Variants in NRG1 observed in about 807,000 individuals in gnomAD.
The protein encoded by NRG1 is pro-neuregulin-1, membrane-bound isoform.
Under a neutral mutation model 63.8 loss-of-function variants are expected in NRG1, and 18 were observed. That is an observed-to-expected ratio of 0.28 (90% CI 0.19 to 0.42). The LOEUF is 0.42. Ranked by LOEUF, NRG1 falls within the 10% of genes least tolerant of loss-of-function variation. The pLI is 1.00. For synonymous variants in NRG1, 302 were observed against 301.3 expected (o/e 1.00, Z -0.02); for missense variants, 762 against 814.7 (o/e 0.94, Z 0.79).
intron 1 of NRG1, among the ~76,000 whole-genome samples, chr8:32,388,854 A>T (rs531857780): frequency 6.6e-6 from 1 of 152,166 alleles, no homozygotes; most frequent in Admixed American, 6.5e-5. Flanking sequence ...TTTCATGTTA[A>T]GAAAAGAAGG....
chr8:32,258,475 T>G (rs1218870713), intron 1 of NRG1, among the ~76,000 whole-genome samples: 1 of 152,170 alleles, frequency 6.6e-6, no homozygotes, highest in Admixed American at 6.6e-5. Context: ...ATTTTCACAC[T>G]GCTATAAAGA....
At chr8:31,933,409 T>C (rs1387302601) in intron 1 of NRG1, among the ~76,000 whole-genome samples, 1 of 151,852 alleles carries the variant, frequency 6.6e-6, no homozygotes, top group Non-Finnish European at 1.5e-5. Context: ...GCCTCCCGAG[T>C]AGCTGGGATT....
chr8:32,692,460 G>T (rs772686331), intron 5 of NRG1, among the ~76,000 whole-genome samples: 4 of 152,196 alleles, frequency 2.6e-5, no homozygotes, highest in African/African-American at 4.8e-5. Context: ...GCCCTGGAAG[G>T]CTGGCTTAGA....
intron 1 of NRG1, among the ~76,000 whole-genome samples, chr8:32,088,217 C>T (rs1291665761): frequency 6.6e-6 from 1 of 152,166 alleles, no homozygotes; most frequent in African/African-American, 2.4e-5. Flanking sequence ...AGAATAAAAG[C>T]TCCAAAGCCA....
At chr8:32,504,463 AGC>A in intron 1 of NRG1, among the ~76,000 whole-genome samples, 1 of 152,312 alleles carries the variant, frequency 6.6e-6, no homozygotes, top group East Asian at 1.9e-4. Flanking sequence ...AATACTTATA[AGC>A]GTTTTTTTAA....
At chr8:32,155,407 A>G (rs940412271) in intron 1 of NRG1, among the ~76,000 whole-genome samples, 3 of 151,766 alleles carry the variant, frequency 2.0e-5, no homozygotes, top group Non-Finnish European at 4.4e-5. Flanking sequence ...CATAAATCTC[A>G]TTTTTTTTCC....
At chr8:32,605,744 G>A (rs1167935733) in intron 3 of NRG1, 61 bp downstream of exon 3, 3 of 1,575,610 alleles carry the variant, frequency 1.9e-6, no homozygotes, top group Non-Finnish European at 2.6e-6. Context: ...AAAACATGTG[G>A]TAAGACTCAT....
rs575264217 is a variant in NRG1 at position 32,148,327 on chromosome 8, A to G, written c.38-447501A>G. On this transcript the variant is annotated intron_variant, in intron 1 of 10. Coordinates refer to the NRG1 transcript ENST00000519301. ...CTAACCACTGTGCCAAAATCATAATACCTGCAGGAAGTGGCAAATGTTGAA... is the reference window on the plus strand; with the variant it reads ...CTAACCACTGTGCCAAAATCATAATGCCTGCAGGAAGTGGCAAATGTTGAA... 9.2e-5 allele frequency among the ~76,000 whole-genome samples: 14 copies of G among 152,300 alleles called. No homozygotes were observed. In the South Asian group the frequency reaches 2.9e-3, roughly 32 times the overall value.
chr8:31,834,249 C>T (rs1032361212), intron 1 of NRG1, among the ~76,000 whole-genome samples: 5 of 150,480 alleles, frequency 3.3e-5, no homozygotes, highest in Non-Finnish European at 7.4e-5. Context: ...TAATACTGTT[C>T]ATCTATGTAA....
chr8:31,713,228 T>G (rs948447742), intron 1 of NRG1, among the ~76,000 whole-genome samples: 5 of 148,690 alleles, frequency 3.4e-5, no homozygotes, highest in Admixed American at 2.7e-4. Context: ...GCCATTCTCC[T>G]GCCTCAGCCT....
At chr8:31,887,379 A>G (rs1830802255) in intron 1 of NRG1, among the ~76,000 whole-genome samples, 1 of 152,072 alleles carries the variant, frequency 6.6e-6, no homozygotes, top group Non-Finnish European at 1.5e-5. Context: ...CATCAATAAG[A>G]TTTTAATTTT....
At chr8:32,121,325 G>A (rs1303710601) in intron 1 of NRG1, among the ~76,000 whole-genome samples, 1 of 151,868 alleles carries the variant, frequency 6.6e-6, no homozygotes, top group Non-Finnish European at 1.5e-5. Flanking sequence ...AAAAACACTG[G>A]GGCTTAAGTG....
intron 1 of NRG1, among the ~76,000 whole-genome samples, chr8:32,494,043 G>A (rs967260445): frequency 2.0e-5 from 3 of 151,826 alleles, no homozygotes; most frequent in African/African-American, 7.3e-5. Flanking sequence ...CTTCTTAATT[G>A]CTTGTTTGTT....
At chr8:32,579,171 T>C (rs1840187369) in intron 1 of NRG1, among the ~76,000 whole-genome samples, 2 of 147,896 alleles carry the variant, frequency 1.4e-5, no homozygotes, top group African/African-American at 4.9e-5. Context: ...CTTTGGAAAA[T>C]TTTGTAGAAG....
At chr8:31,689,617 T>C (rs1221852679) in intron 1 of NRG1, among the ~76,000 whole-genome samples, 1 of 152,224 alleles carries the variant, frequency 6.6e-6, no homozygotes, top group Non-Finnish European at 1.5e-5. Flanking sequence ...TTTCTTTATT[T>C]ATCTCTTTCC....
At chr8:32,404,279 C>A (rs1359855929) in intron 1 of NRG1, among the ~76,000 whole-genome samples, 1 of 152,026 alleles carries the variant, frequency 6.6e-6, no homozygotes, top group Non-Finnish European at 1.5e-5. Flanking sequence ...GGGGTAATGA[C>A]AAAAATCAGG....
chr8:32,386,008 GTTTA>G (rs1325202125), intron 1 of NRG1, among the ~76,000 whole-genome samples: 3 of 152,122 alleles, frequency 2.0e-5, no homozygotes, highest in Non-Finnish European at 4.4e-5. Context: ...CCTTACTTTT[GTTTA>G]TTTATTTTTA....
chr8:32,353,369 A>G (rs1171841466), intron 1 of NRG1, among the ~76,000 whole-genome samples: 1 of 151,602 alleles, frequency 6.6e-6, no homozygotes, highest in African/African-American at 2.4e-5. Flanking sequence ...GATTATATGT[A>G]TAATAAAACT....
chr8:32,483,426 C>A (rs1414762421), intron 1 of NRG1, among the ~76,000 whole-genome samples: 1 of 152,234 alleles, frequency 6.6e-6, no homozygotes, highest in Non-Finnish European at 1.5e-5. Flanking sequence ...TACTCCATCT[C>A]CGGCTTTTCC....
Sources: allele counts gnomAD v4.1 joint callset (sites outside exome capture counted in the v4.1 genomes callset), GRCh38; gene constraint gnomAD v4.1.1; transcripts MANE v1.5; gene names NCBI Gene and HGNC (gene_info 2026-07-23, HGNC 2026-07-21).